Variants in CTNND2 observed in about 807,000 individuals in gnomAD.
CTNND2 encodes the protein catenin delta-2.
In CTNND2, 22 loss-of-function variants were observed where a neutral mutation model predicts 144.4. That is an observed-to-expected ratio of 0.15 (90% confidence interval 0.11 to 0.22). The LOEUF (loss-of-function observed/expected upper bound fraction) is 0.22, where lower values mean the gene tolerates loss of function less well. CTNND2 is among the 10% of genes least tolerant of loss of function. CTNND2 has a pLI of 1.00. For synonymous variants in CTNND2, 751 were observed against 695.6 expected (o/e 1.08, Z -1.25); for missense variants, 1,353 against 1,618.8 (o/e 0.84, Z 2.82).
At chr5:11,811,349 A>G (rs1420592560) in intron 1 of CTNND2, among the ~76,000 whole-genome samples, 1 of 152,170 alleles carries the variant, frequency 6.6e-6, no homozygotes, top group Non-Finnish European at 1.5e-5. Flanking sequence ...GTATAATGGG[A>G]TAGTGAAACT....
chr5:11,688,171 G>A (rs1156974395), intron 2 of CTNND2, among the ~76,000 whole-genome samples: 3 of 152,070 alleles, frequency 2.0e-5, no homozygotes, highest in Non-Finnish European at 2.9e-5. Context: ...ACTTATTAAC[G>A]TTTCTGGGAA....
At chr5:11,275,579 G>A (rs1046573767) in intron 9 of CTNND2, among the ~76,000 whole-genome samples, 12 of 152,200 alleles carry the variant, frequency 7.9e-5, no homozygotes, top group African/African-American at 2.9e-4. Context: ...GTTAATGAAT[G>A]AGGTCCCCAT....
intron 1 of CTNND2, among the ~76,000 whole-genome samples, chr5:11,781,681 A>C (rs550782023): frequency 6.6e-6 from 1 of 152,332 alleles, no homozygotes; most frequent in African/African-American, 2.4e-5. Context: ...ATACAGTTAC[A>C]AATGACTCCT....
At chr5:11,103,271 C>T (rs1237225834) in intron 14 of CTNND2, among the ~76,000 whole-genome samples, 4 of 151,928 alleles carry the variant, frequency 2.6e-5, no homozygotes, top group African/African-American at 4.8e-5. Context: ...CATGAGCCAC[C>T]GCACCCGGTC....
At chr5:11,543,192 T>A (rs1377709967) in intron 3 of CTNND2, among the ~76,000 whole-genome samples, 1 of 152,232 alleles carries the variant, frequency 6.6e-6, no homozygotes, top group Admixed American at 6.5e-5. Flanking sequence ...CATCATGTTC[T>A]ATGTAGATGA....
chr5:11,116,764 T>G (rs1007322984), intron 13 of CTNND2, among the ~76,000 whole-genome samples: 10 of 152,162 alleles, frequency 6.6e-5, no homozygotes, highest in African/African-American at 2.4e-4. Context: ...TATGGGATTA[T>G]TCAAATCGCA....
At chr5:11,777,019 A>G (rs1790290865) in intron 1 of CTNND2, among the ~76,000 whole-genome samples, 3 of 150,906 alleles carry the variant, frequency 2.0e-5, no homozygotes, top group Admixed American at 2.0e-4. Flanking sequence ...CTTGTTAAAA[A>G]ATACTCATGT....
At chr5:11,431,552 G>A (rs1763289860) in intron 3 of CTNND2, among the ~76,000 whole-genome samples, 1 of 152,148 alleles carries the variant, frequency 6.6e-6, no homozygotes, top group Admixed American at 6.5e-5. Flanking sequence ...ATGACCGAAT[G>A]CTTCTTCTTG....
At chr5:11,686,955 A>T (rs975749917) in intron 2 of CTNND2, among the ~76,000 whole-genome samples, 3 of 151,562 alleles carry the variant, frequency 2.0e-5, no homozygotes, top group Non-Finnish European at 4.4e-5. Context: ...AGGTAAGAAA[A>T]TGGTATTTTT....
intron 9 of CTNND2, among the ~76,000 whole-genome samples, chr5:11,329,747 C>T (rs1029065570): frequency 2.6e-5 from 4 of 152,146 alleles, no homozygotes; most frequent in African/African-American, 9.7e-5. Context: ...CAGAGACCCA[C>T]ACTGCCAGGC....
At chr5:11,444,618 C>T (rs1764642489) in intron 3 of CTNND2, among the ~76,000 whole-genome samples, 1 of 152,120 alleles carries the variant, frequency 6.6e-6, no homozygotes, top group African/African-American at 2.4e-5. Context: ...ACAAGAATTG[C>T]TTGAACCCAG....
intron 11 of CTNND2, among the ~76,000 whole-genome samples, chr5:11,169,429 TAG>T (rs1378718374): frequency 2.0e-5 from 3 of 152,160 alleles, no homozygotes; most frequent in Non-Finnish European, 4.4e-5. Flanking sequence ...TGGTAAAAAA[TAG>T]AGTCTGGCAA....
intron 1 of CTNND2, among the ~76,000 whole-genome samples, chr5:11,786,071 C>G (rs555949416): frequency 7.2e-5 from 11 of 152,330 alleles, no homozygotes; most frequent in African/African-American, 2.6e-4. Context: ...CCTATTCGAC[C>G]AGACCCCCAT....
intron 10 of CTNND2, among the ~76,000 whole-genome samples, chr5:11,209,869 C>G (rs1315084091): frequency 1.3e-5 from 2 of 152,132 alleles, no homozygotes; most frequent in East Asian, 3.9e-4. Context: ...TTGCAGTGAG[C>G]CGAGATCGCA....
At chr5:11,244,758 T>G (rs1360265245) in intron 9 of CTNND2, among the ~76,000 whole-genome samples, 1 of 152,202 alleles carries the variant, frequency 6.6e-6, no homozygotes, top group Non-Finnish European at 1.5e-5. Flanking sequence ...AACTGTATCA[T>G]AAACATTAAT....
intron 1 of CTNND2, among the ~76,000 whole-genome samples, chr5:11,887,136 G>A (rs745618095): frequency 1.8e-4 from 28 of 151,394 alleles, no homozygotes; most frequent in Non-Finnish European, 2.4e-4. Context: ...GGCGCATACC[G>A]CCACGCCCAG....
chr5:11,118,504 C>T (rs564963238), intron 12 of CTNND2, among the ~76,000 whole-genome samples: 1 of 152,188 alleles, frequency 6.6e-6, no homozygotes, highest in African/African-American at 2.4e-5. Context: ...GAGGTGTGTG[C>T]AGTACAGACT....
intron 17 of CTNND2, 104 bp from the exon 18 acceptor site, chr5:11,018,162 T>A (rs1741828167): frequency 7.9e-6 from 6 of 762,750 alleles, no homozygotes; most frequent in Non-Finnish European, 1.4e-5. Context: ...ATTATATCTA[T>A]TATGGTGATC....
At chr5:11,240,922 AACAC>A (rs759387436) in intron 9 of CTNND2, among the ~76,000 whole-genome samples, 5 of 133,496 alleles carry the variant, frequency 3.7e-5, no homozygotes, top group Non-Finnish European at 6.4e-5. Context: ...ACACATCCCC[AACAC>A]ACACCCAACA....
Sources: gnomAD v4.1 joint callset for allele counts (sites outside exome capture counted in the v4.1 genomes callset) on GRCh38, gnomAD v4.1.1 for gene constraint, MANE v1.5 for transcripts, NCBI Gene and HGNC (gene_info 2026-07-23, HGNC 2026-07-21) for gene names.